JAKMIP2: variants seen among roughly 807,000 people sequenced by gnomAD.
The protein encoded by JAKMIP2 is janus kinase and microtubule-interacting protein 2.
JAKMIP2 carries 25 observed loss-of-function variants against 115.0 expected under a neutral mutation model. That is an observed-to-expected ratio of 0.22 (90% CI 0.16 to 0.30). JAKMIP2 has a LOEUF of 0.30. Among genes scored for constraint, JAKMIP2 ranks in the 10% least tolerant of loss-of-function variants. JAKMIP2 has a pLI of 1.00. For missense variants in JAKMIP2, 642 were observed against 957.6 expected (o/e 0.67, Z 4.35); for synonymous variants, 334 against 343.6 (o/e 0.97, Z 0.31).
intron 1 of JAKMIP2, among the ~76,000 whole-genome samples, chr5:147,687,400 G>A (rs1456032944): frequency 2.6e-5 from 4 of 152,278 alleles, no homozygotes; most frequent in South Asian, 2.1e-4. Flanking sequence ...AGAAGCAAAC[G>A]AGGCACTACT....
At chr5:147,688,677 C>T (rs1760687064) in intron 1 of JAKMIP2, among the ~76,000 whole-genome samples, 1 of 152,188 alleles carries the variant, frequency 6.6e-6, no homozygotes, top group South Asian at 2.1e-4. Flanking sequence ...GGCCCATTCT[C>T]TCAACCGCAT....
intron 2 of JAKMIP2, among the ~76,000 whole-genome samples, chr5:147,670,326 T>C (rs951213489): frequency 1.3e-5 from 2 of 152,156 alleles, no homozygotes; most frequent in African/African-American, 4.8e-5. Context: ...GGAATAAATA[T>C]ATTTGTTGGC....
At chr5:147,686,654 G>A (rs1490582456) in intron 1 of JAKMIP2, among the ~76,000 whole-genome samples, 2 of 152,048 alleles carry the variant, frequency 1.3e-5, no homozygotes, top group East Asian at 1.9e-4. Context: ...CCTTAAACCC[G>A]CAAAATTTTA....
At position 147,723,345 on chromosome 5, in the gene JAKMIP2, A is replaced by C. The variant is rs566692089; in HGVS notation, c.-148-51391T>G. ...AAAGATCATGCCAAATAACTCTTCC[A>C]AAAATAAGAAACATTTGTATGATTA... On this transcript the variant is annotated intron_variant, in intron 1 of 21. Coordinates refer to ENST00000616793, the MANE Select transcript of JAKMIP2 (RefSeq NM_001270941.2). Among the ~76,000 whole-genome samples, 3 of 152,292 alleles carry C rather than the reference A, an allele frequency of 2.0e-5. No individual in the cohort carries two copies. In the East Asian group the frequency reaches 5.8e-4, roughly 29 times the overall value.
Position 147,782,613 on chromosome 5 carries a change from G to A in JAKMIP2, c.-306C>T, listed in dbSNP as rs908032464. On this transcript the variant is annotated 5_prime_UTR_variant, in exon 1 of 22. Coordinates refer to ENST00000616793, the MANE Select transcript of JAKMIP2 (RefSeq NM_001270941.2). ...CTCTGGTTGGCGATGGTGCGAATAG[G>A]AACCACCCTTCCAGCCCCACTAGAG... 3 of 749,832 alleles carry A rather than the reference G, an allele frequency of 4.0e-6. No homozygotes were observed. The highest frequency in any genetic ancestry group is 1.7e-5 in the African/African-American group (1 of 57,594). The allele number at this position is 749,832 out of a possible 1,614,324, so 46.4% of individuals were successfully genotyped here.
At chr5:147,708,267 G>C (rs1580813220) in intron 1 of JAKMIP2, among the ~76,000 whole-genome samples, 1 of 152,246 alleles carries the variant, frequency 6.6e-6, no homozygotes. Context: ...CCTCAGCATT[G>C]AGTCTCAGAC....
chr5:147,618,633 G>A (rs1378253311), intron 18 of JAKMIP2, among the ~76,000 whole-genome samples: 3 of 152,148 alleles, frequency 2.0e-5, no homozygotes, highest in Non-Finnish European at 4.4e-5. Context: ...AGCTACTCTG[G>A]AGGCTGAGAC....
At chr5:147,749,630 G>A (rs1043195426) in intron 1 of JAKMIP2, among the ~76,000 whole-genome samples, 2 of 152,140 alleles carry the variant, frequency 1.3e-5, no homozygotes, top group African/African-American at 4.8e-5. Flanking sequence ...ATACACCATC[G>A]CCTACCTAGA....
intron 1 of JAKMIP2, among the ~76,000 whole-genome samples, chr5:147,775,329 T>A (rs988622135): frequency 1.3e-5 from 2 of 152,220 alleles, no homozygotes; most frequent in African/African-American, 4.8e-5. Context: ...ATGGAATGAT[T>A]TGTTTATGAT....
chr5:147,594,542 C>A, intron 21 of JAKMIP2: 1 of 382,772 alleles, frequency 2.6e-6, no homozygotes, highest in Non-Finnish European at 5.6e-6. Flanking sequence ...CCATGTTTCC[C>A]AGGCTGGTCT....
chr5:147,623,224 C>CTTTTTTT (rs199676287), intron 17 of JAKMIP2, among the ~76,000 whole-genome samples: 12 of 138,738 alleles, frequency 8.6e-5, no homozygotes, highest in African/African-American at 2.9e-4. Context: ...TTGTTCTACT[C>CTTTTTTT]TTTTTTTTTT....
chr5:147,722,727 G>C (rs1009431463), intron 1 of JAKMIP2, among the ~76,000 whole-genome samples: 2 of 152,144 alleles, frequency 1.3e-5, no homozygotes, highest in African/African-American at 4.8e-5. Context: ...AAGATGACAA[G>C]TTTGGTGTTT....
At chr5:147,616,731 G>A (rs1756600844) in intron 19 of JAKMIP2, among the ~76,000 whole-genome samples, 1 of 152,172 alleles carries the variant, frequency 6.6e-6, no homozygotes, top group South Asian at 2.1e-4. Context: ...TTTTGTGATG[G>A]AATCTGAAGG....
intron 1 of JAKMIP2, among the ~76,000 whole-genome samples, chr5:147,754,341 CAAAT>C (rs1173215038): frequency 6.6e-6 from 1 of 152,052 alleles, no homozygotes; most frequent in African/African-American, 2.4e-5. Flanking sequence ...GGATACAAAA[CAAAT>C]AAGCCATTGC....
At chr5:147,780,397 G>A (rs1209847300) in intron 1 of JAKMIP2, among the ~76,000 whole-genome samples, 1 of 152,086 alleles carries the variant, frequency 6.6e-6, no homozygotes, top group Non-Finnish European at 1.5e-5. Flanking sequence ...CAAAGCCCCA[G>A]GATATCTGCT....
chr5:147,740,784 C>T (rs928622124), intron 1 of JAKMIP2, among the ~76,000 whole-genome samples: 1 of 152,066 alleles, frequency 6.6e-6, no homozygotes, highest in Non-Finnish European at 1.5e-5. Context: ...TAAATGATAG[C>T]GTGGGTGGGG....
chr5:147,782,680 G>GCAGCAT lies in JAKMIP2; in HGVS notation c.-379_-374dup. Reference sequence around the variant, plus strand: ...GGCGGCGGCGGCAGCAGCAGCAGCAGCAGCATCACCAGTTGGGCCTCCTCC... The same window carrying GCAGCAT: ...GGCGGCGGCGGCAGCAGCAGCAGCAGCAGCATCAGCATCACCAGTTGGGCCTCCTCC... On this transcript the variant is annotated 5_prime_UTR_variant, in exon 1 of 22. It adds an upstream start codon to the 5' untranslated region. Transcript: ENST00000616793. 1.5e-6 allele frequency: 1 copy of GCAGCAT among 658,768 alleles called. No individual in the cohort carries two copies. Among genetic ancestry groups the GCAGCAT allele is most frequent in the East Asian group, 2.8e-5 (1 of 35,924 alleles). 40.8% of individuals were successfully genotyped at this position (658,768 alleles called of 1,614,324 possible).
rs1232990045 is a variant in JAKMIP2, at chr5:147,617,901, C to T, written c.2346+10G>A. 7 of 1,612,408 alleles carry T rather than the reference C, an allele frequency of 4.3e-6. 1 individual carries two copies. The South Asian group carries it at 7.7e-5, about 18-fold the overall frequency. On this transcript the variant is annotated intron_variant, in intron 19 of 21. Transcript: ENST00000616793. ...CTAACCCTACGCAGAGGCAGTGACT[C>T]AGTCCTCACCTGATGGGCTTGCTGT...
intron 16 of JAKMIP2, among the ~76,000 whole-genome samples, chr5:147,627,591 G>GT (rs1160001206): frequency 2.2e-5 from 3 of 135,270 alleles, no homozygotes; most frequent in South Asian, 2.5e-4. Context: ...TAGGAAGTAA[G>GT]TTTTTTTAAA....
Sources: gnomAD v4.1 joint callset for allele counts (sites outside exome capture counted in the v4.1 genomes callset) on GRCh38, gnomAD v4.1.1 for gene constraint, MANE v1.5 for transcripts, NCBI Gene and HGNC (gene_info 2026-07-23, HGNC 2026-07-21) for gene names.